CSMD3: variants seen among roughly 807,000 people sequenced by gnomAD.
The protein encoded by CSMD3 is CUB and sushi domain-containing protein 3.
Under a neutral mutation model 435.2 loss-of-function variants are expected in CSMD3, and 177 were observed. The observed-to-expected ratio is 0.41, with a 90% confidence interval of 0.36 to 0.46. CSMD3 has a LOEUF of 0.46. Among genes scored for constraint, CSMD3 ranks in the 20% least tolerant of loss-of-function variants. The probability of loss-of-function intolerance (pLI) is 0.34; values close to 1 mark genes in which losing one functional copy is unlikely to be tolerated. For synonymous variants in CSMD3, 1,656 were observed against 1,520.5 expected, an observed-to-expected ratio of 1.09 and a Z score of -2.07; for missense variants, 4,265 against 4,504.6, an observed-to-expected ratio of 0.95 and a Z score of 1.52.
intron 1 of CSMD3, among the ~76,000 whole-genome samples, chr8:113,376,071 G>C (rs2094380715): frequency 6.6e-6 from 1 of 152,044 alleles, no homozygotes; most frequent in Non-Finnish European, 1.5e-5. Context: ...TCTTATTTAA[G>C]ATGAACTCAA....
intron 3 of CSMD3, among the ~76,000 whole-genome samples, chr8:113,276,470 C>G (rs937101083): frequency 6.6e-6 from 1 of 152,032 alleles, no homozygotes; most frequent in Non-Finnish European, 1.5e-5. Flanking sequence ...GGAGAGAAAG[C>G]CTTAGGAGCT....
chr8:112,504,731 T>A (rs1325650511), intron 29 of CSMD3, among the ~76,000 whole-genome samples: 1 of 152,162 alleles, frequency 6.6e-6, no homozygotes, highest in Non-Finnish European at 1.5e-5. Context: ...CTTAACAACC[T>A]TCAAAAGTAT....
At chr8:112,426,745 A>G (rs1376059684) in intron 32 of CSMD3, among the ~76,000 whole-genome samples, 2 of 152,156 alleles carry the variant, frequency 1.3e-5, no homozygotes, top group East Asian at 3.9e-4. Flanking sequence ...TGACTTACAT[A>G]TATTTTTCCT....
chr8:113,009,083 C>T (rs1230589105), intron 6 of CSMD3, among the ~76,000 whole-genome samples: 2 of 151,466 alleles, frequency 1.3e-5, no homozygotes, highest in South Asian at 2.1e-4. Flanking sequence ...TTTTACATGG[C>T]TACAAGAAAA....
intron 6 of CSMD3, among the ~76,000 whole-genome samples, chr8:112,996,590 T>G (rs2085661225): frequency 6.6e-6 from 1 of 151,618 alleles, no homozygotes; most frequent in African/African-American, 2.4e-5. Context: ...ATTAAGTAGT[T>G]TCTTTGATAT....
chr8:113,336,317 C>T (rs566742303), intron 1 of CSMD3, among the ~76,000 whole-genome samples: 8 of 149,206 alleles, frequency 5.4e-5, no homozygotes, highest in South Asian at 2.2e-4. Flanking sequence ...CTGACACTTT[C>T]GCTTGAAAAA....
intron 6 of CSMD3, 155 bp downstream of exon 6, chr8:113,018,912 T>A: frequency 3.0e-6 from 2 of 656,176 alleles, no homozygotes; most frequent in Non-Finnish European, 2.7e-6. Context: ...AATTTAGTTA[T>A]GATCACATTA....
At chr8:112,469,160 C>CAAAAAA (rs71309771) in intron 32 of CSMD3, among the ~76,000 whole-genome samples, 6 of 91,620 alleles carry the variant, frequency 6.5e-5, no homozygotes, top group African/African-American at 1.3e-4. Flanking sequence ...CTACACCAGG[C>CAAAAAA]AAAAAAAAAA....
intron 65 of CSMD3, among the ~76,000 whole-genome samples, chr8:112,242,225 T>C (rs879388588): frequency 2.0e-5 from 3 of 152,058 alleles, no homozygotes; most frequent in African/African-American, 4.8e-5. Context: ...TCACCAGAAA[T>C]TGGATAGACT....
intron 25 of CSMD3, among the ~76,000 whole-genome samples, chr8:112,555,983 G>T (rs1433944397): frequency 6.6e-6 from 1 of 151,938 alleles, no homozygotes; most frequent in African/African-American, 2.4e-5. Context: ...ATCAAAAAAA[G>T]AAAGGCTGAA....
intron 40 of CSMD3, 46 bp from the exon 41 acceptor site, chr8:112,346,259 T>G: frequency 9.1e-7 from 1 of 1,099,096 alleles, no homozygotes; most frequent in Non-Finnish European, 1.4e-6. Flanking sequence ...AGAGGAATAA[T>G]TTACTGTATT....
intron 1 of CSMD3, among the ~76,000 whole-genome samples, chr8:113,328,646 G>T (rs2094002364): frequency 6.6e-6 from 1 of 151,372 alleles, no homozygotes; most frequent in African/African-American, 2.4e-5. Flanking sequence ...ACCTGGAAGG[G>T]TGAGAATATG....
intron 3 of CSMD3, among the ~76,000 whole-genome samples, chr8:113,221,491 C>G (rs2092966184): frequency 6.6e-6 from 1 of 150,836 alleles, no homozygotes; most frequent in East Asian, 1.9e-4. Context: ...TTATTTTTGC[C>G]ATTTTTCTGT....
intron 1 of CSMD3, among the ~76,000 whole-genome samples, chr8:113,329,212 T>TAAATAAATAAAC (rs2094008383): frequency 6.7e-6 from 1 of 149,746 alleles, no homozygotes; most frequent in Admixed American, 6.7e-5. Flanking sequence ...TGAAAATAAA[T>TAAATAAATAAAC]AAATAAATAA....
chr8:113,331,918 G>T (rs1028362553), intron 1 of CSMD3, among the ~76,000 whole-genome samples: 5 of 151,592 alleles, frequency 3.3e-5, no homozygotes, highest in African/African-American at 1.2e-4. Flanking sequence ...TATACTTGAG[G>T]TTCTAGCCAG....
intron 13 of CSMD3, among the ~76,000 whole-genome samples, chr8:112,748,495 A>C (rs1321583188): frequency 6.6e-6 from 1 of 151,212 alleles, no homozygotes; most frequent in Non-Finnish European, 1.5e-5. Flanking sequence ...CCCTCCTCCC[A>C]CCCTCCCGCA....
intron 8 of CSMD3, among the ~76,000 whole-genome samples, chr8:112,948,790 A>G (rs972117560): frequency 6.6e-6 from 1 of 151,974 alleles, no homozygotes; most frequent in African/African-American, 2.4e-5. Context: ...GTTGTCCTCC[A>G]CTGTGAACTG....
intron 4 of CSMD3, among the ~76,000 whole-genome samples, chr8:113,157,769 A>G (rs1480129115): frequency 2.0e-5 from 3 of 152,150 alleles, no homozygotes; most frequent in Non-Finnish European, 4.4e-5. Flanking sequence ...CTCTGAATAC[A>G]TAACATCCTT....
intron 13 of CSMD3, among the ~76,000 whole-genome samples, chr8:112,739,022 C>A (rs1005782185): frequency 1.4e-4 from 21 of 151,480 alleles, no homozygotes; most frequent in Admixed American, 1.3e-3. Context: ...TTCTATACTG[C>A]AAGCTTGCAA....
Sources: allele counts gnomAD v4.1 joint callset (sites outside exome capture counted in the v4.1 genomes callset), GRCh38; gene constraint gnomAD v4.1.1; transcripts MANE v1.5; gene names NCBI Gene and HGNC (gene_info 2026-07-23, HGNC 2026-07-21).